The following ROBO1 variants were observed in gnomAD, a reference collection of about 807,000 sequenced individuals.
ROBO1 encodes the protein roundabout guidance receptor 1.
ROBO1 carries 149 observed loss-of-function variants against 195.9 expected under a neutral mutation model. The ratio of observed to expected loss-of-function variants is 0.76; its 90% CI spans 0.67 to 0.87. The LOEUF (loss-of-function observed/expected upper bound fraction) is 0.87. Ranked by LOEUF, ROBO1 falls within the 40% of genes least tolerant of loss-of-function variation. ROBO1 has a pLI of 0.00. For missense variants in ROBO1, 1,933 were observed against 2,068.3 expected (o/e 0.93, Z 1.27); for synonymous variants, 816 against 733.2 (o/e 1.11, Z -1.82).
chr3:78,758,236 C>T (rs951568244), intron 4 of ROBO1, among the ~76,000 whole-genome samples: 2 of 152,060 alleles, frequency 1.3e-5, no homozygotes, highest in African/African-American at 4.8e-5. Context: ...AAATTCATTC[C>T]TCACTGGGGG....
intron 4 of ROBO1, chr3:78,758,951 T>A (rs2083016271): frequency 6.6e-6 from 1 of 152,212 alleles, no homozygotes. Context: ...GAGGCTGAAG[T>A]GTTTCCACCA....
intron 4 of ROBO1, among the ~76,000 whole-genome samples, chr3:78,781,769 A>C (rs542155877): frequency 6.6e-6 from 1 of 152,312 alleles, no homozygotes; most frequent in African/African-American, 2.4e-5. Flanking sequence ...AATAATAGAA[A>C]ATTTAACAAT....
Position 79,704,891 on chromosome 3 carries a change from A to G in ROBO1, c.-51+62861T>C, listed in dbSNP as rs548741878. Among the ~76,000 whole-genome samples the G allele has an allele frequency of 2.6e-5, 4 of 152,134 alleles. No homozygotes were observed. The South Asian group carries it at 8.3e-4, about 32-fold the overall frequency. On this transcript the variant is annotated intron_variant, in intron 1 of 30. Transcript: ENST00000464233. Reference sequence around the variant, plus strand: ...GTAATTCAACCATATGAATGGGTGTATAGCAGTATCTCATTGTTGTCGTCT... The same window carrying G: ...GTAATTCAACCATATGAATGGGTGTGTAGCAGTATCTCATTGTTGTCGTCT...
At chr3:79,346,483 G>T (rs1240383536) in intron 2 of ROBO1, among the ~76,000 whole-genome samples, 2 of 151,930 alleles carry the variant, frequency 1.3e-5, no homozygotes, top group East Asian at 3.9e-4. Flanking sequence ...GGTTTTATCA[G>T]AACCTATTAA....
At chr3:79,725,666 T>C (rs1160005032) in intron 1 of ROBO1, among the ~76,000 whole-genome samples, 36 of 152,074 alleles carry the variant, frequency 2.4e-4, no homozygotes, top group Admixed American at 2.3e-3. Flanking sequence ...CACCCCCAAA[T>C]CACCTCTTCT....
intron 1 of ROBO1, among the ~76,000 whole-genome samples, chr3:79,660,952 C>CTA (rs1369398824): frequency 2.0e-5 from 3 of 152,094 alleles, no homozygotes; most frequent in African/African-American, 7.2e-5. Context: ...GCATTTTGGG[C>CTA]TATAGTTTAT....
intron 4 of ROBO1, among the ~76,000 whole-genome samples, chr3:78,758,745 T>C (rs2083010004): frequency 6.6e-6 from 1 of 151,678 alleles, no homozygotes; most frequent in Non-Finnish European, 1.5e-5. Flanking sequence ...GAGGAAATTT[T>C]TGTGCTACAG....
chr3:78,614,117 T>C (rs897584839), intron 28 of ROBO1, among the ~76,000 whole-genome samples: 2 of 152,188 alleles, frequency 1.3e-5, no homozygotes, highest in African/African-American at 2.4e-5. Flanking sequence ...CCCTCGAGAA[T>C]ATGAACGTTA....
intron 3 of ROBO1, among the ~76,000 whole-genome samples, chr3:79,062,252 C>T (rs1024702727): frequency 6.6e-6 from 1 of 152,084 alleles, no homozygotes; most frequent in Admixed American, 6.5e-5. Context: ...AAAAAATGCT[C>T]ATCATCACTG....
chr3:79,403,417 T>A (rs1372352010), intron 2 of ROBO1, among the ~76,000 whole-genome samples: 1 of 152,018 alleles, frequency 6.6e-6, no homozygotes, highest in African/African-American at 2.4e-5. Flanking sequence ...ATCACCATAT[T>A]TCCTCAGACA....
At chr3:79,171,158 T>C (rs2081158046) in intron 2 of ROBO1, among the ~76,000 whole-genome samples, 1 of 149,874 alleles carries the variant, frequency 6.7e-6, no homozygotes, top group East Asian at 1.9e-4. Context: ...TATAATTAAA[T>C]ATCTTATGTT....
intron 4 of ROBO1, among the ~76,000 whole-genome samples, chr3:78,773,739 A>G (rs1445821748): frequency 6.6e-6 from 1 of 152,158 alleles, no homozygotes; most frequent in East Asian, 1.9e-4. Context: ...GATTCCATCC[A>G]CCTTCCTCCC....
intron 2 of ROBO1, among the ~76,000 whole-genome samples, chr3:79,346,904 A>G (rs2035140871): frequency 1.3e-5 from 2 of 151,976 alleles, no homozygotes; most frequent in East Asian, 1.9e-4. Context: ...ATAGTTTTCA[A>G]ATCAATACTT....
chr3:78,659,858 G>A, intron 16 of ROBO1, 51 bp from the exon 17 acceptor site: 2 of 1,474,268 alleles, frequency 1.4e-6, no homozygotes, highest in South Asian at 1.3e-5. Flanking sequence ...AGAGAACACT[G>A]AAAGCAGGTA....
chr3:79,177,114 T>A (rs542811342), intron 2 of ROBO1, among the ~76,000 whole-genome samples: 33 of 152,340 alleles, frequency 2.2e-4, no homozygotes, highest in South Asian at 4.1e-4. Flanking sequence ...GTACTTTTTT[T>A]AAAATTTTTC....
intron 2 of ROBO1, among the ~76,000 whole-genome samples, chr3:79,567,087 A>G (rs1943114029): frequency 6.6e-6 from 1 of 152,174 alleles, no homozygotes; most frequent in South Asian, 2.1e-4. Flanking sequence ...AAAGAAGAAT[A>G]TAATGTCCAT....
intron 2 of ROBO1, among the ~76,000 whole-genome samples, chr3:79,201,561 C>G (rs781291984): frequency 2.6e-5 from 4 of 151,926 alleles, no homozygotes; most frequent in Non-Finnish European, 5.9e-5. Flanking sequence ...AGCGAGAAAG[C>G]TGCTTAAGCA....
At chr3:79,098,122 T>A (rs1450061135) in intron 3 of ROBO1, among the ~76,000 whole-genome samples, 1 of 151,822 alleles carries the variant, frequency 6.6e-6, no homozygotes, top group Non-Finnish European at 1.5e-5. Flanking sequence ...ATTCTCGTAT[T>A]CTTTTGTGTC....
At chr3:79,419,761 A>T (rs2038149146) in intron 2 of ROBO1, among the ~76,000 whole-genome samples, 1 of 152,112 alleles carries the variant, frequency 6.6e-6, no homozygotes, top group Non-Finnish European at 1.5e-5. Context: ...CCATAAGGAA[A>T]GTATATCTAG....
Sources: gnomAD v4.1 joint callset for allele counts (sites outside exome capture counted in the v4.1 genomes callset) on GRCh38, gnomAD v4.1.1 for gene constraint, MANE v1.5 for transcripts, NCBI Gene and HGNC (gene_info 2026-07-23, HGNC 2026-07-21) for gene names.